PIK3C3: variants seen among roughly 807,000 people sequenced by gnomAD.
PIK3C3 encodes the protein phosphatidylinositol 3-kinase catalytic subunit type 3.
A neutral mutation model predicts 126.1 loss-of-function variants in PIK3C3; 95 were observed. The observed-to-expected ratio is 0.75, with a 90% confidence interval of 0.64 to 0.89. PIK3C3 has a LOEUF of 0.89. PIK3C3 is among the 40% of genes least tolerant of loss of function. The probability of loss-of-function intolerance (pLI) is 0.00; values close to 1 mark genes in which losing one functional copy is unlikely to be tolerated. For synonymous variants in PIK3C3, 374 were observed against 360.0 expected (o/e 1.04, Z -0.44); for missense variants, 829 against 1,063.2 (o/e 0.78, Z 3.06).
intron 15 of PIK3C3, among the ~76,000 whole-genome samples, chr18:42,033,467 AT>A (rs1861753223): frequency 6.6e-6 from 1 of 152,242 alleles, no homozygotes; most frequent in Admixed American, 6.5e-5. Context: ...TTTGAAGGAA[AT>A]TTCAGTTTCT....
intron 21 of PIK3C3, chr18:42,051,198 C>A (rs1307593600): frequency 6.6e-6 from 1 of 152,272 alleles, no homozygotes; most frequent in Non-Finnish European, 1.5e-5. Flanking sequence ...TCCATGAGAG[C>A]AGGAACCTTT....
intron 10 of PIK3C3, among the ~76,000 whole-genome samples, chr18:42,010,806 G>T (rs902275409): frequency 3.3e-5 from 5 of 152,016 alleles, no homozygotes; most frequent in Non-Finnish European, 7.4e-5. Flanking sequence ...AATTTATTTT[G>T]CCCAGATCCA....
At chr18:42,070,248 G>A (rs182411050) in intron 24 of PIK3C3, among the ~76,000 whole-genome samples, 40 of 152,300 alleles carry the variant, frequency 2.6e-4, no homozygotes, top group African/African-American at 9.1e-4. Flanking sequence ...AGAAAAAATA[G>A]ATTCTGCCTC....
At chr18:42,071,132 A>G (rs1463841282) in intron 24 of PIK3C3, among the ~76,000 whole-genome samples, 1 of 152,222 alleles carries the variant, frequency 6.6e-6, no homozygotes, top group Non-Finnish European at 1.5e-5. Flanking sequence ...ACATGAAAAT[A>G]AGAGTTAAGA....
intron 23 of PIK3C3, among the ~76,000 whole-genome samples, chr18:42,065,315 T>G (rs1985490635): frequency 6.6e-6 from 1 of 152,156 alleles, no homozygotes; most frequent in Admixed American, 6.5e-5. Context: ...AGAAAAGGAC[T>G]TTAAAGCAGC....
chr18:42,049,613 T>C lies in PIK3C3; in HGVS notation c.2263+8T>C. 6.3e-7 allele frequency: 1 copy of C among 1,589,110 alleles called. No homozygotes were observed. On this transcript the variant is annotated splice_region_variant and intron_variant, in intron 21 of 24. Transcript: ENST00000262039. ...TTTTGCTAACAAAAACAGGTAACAA[T>C]TAATGACTACCAGTAGACATACATT... is the stretch of plus-strand genomic sequence containing the variant.
At chr18:41,991,192 A>C (rs937127960) in intron 6 of PIK3C3, among the ~76,000 whole-genome samples, 4 of 152,134 alleles carry the variant, frequency 2.6e-5, no homozygotes, top group Non-Finnish European at 5.9e-5. Flanking sequence ...TCATTTAAGT[A>C]CTACAGAAAT....
At chr18:41,983,714 G>A (rs1327160207) in intron 4 of PIK3C3, among the ~76,000 whole-genome samples, 1 of 152,080 alleles carries the variant, frequency 6.6e-6, no homozygotes, top group East Asian at 1.9e-4. Context: ...CTTACACAGT[G>A]CAGCAAGTTG....
At chr18:41,987,751 T>TAA in intron 4 of PIK3C3, 61 bp from the exon 5 acceptor site, 1 of 1,058,108 alleles carries the variant, frequency 9.5e-7, no homozygotes, top group Non-Finnish European at 1.5e-6. Flanking sequence ...ATTCTGACAT[T>TAA]TTTGGTCCTT....
At chr18:42,019,734 A>T (rs1222155100) in intron 12 of PIK3C3, among the ~76,000 whole-genome samples, 1 of 152,096 alleles carries the variant, frequency 6.6e-6, no homozygotes, top group Admixed American at 6.6e-5. Context: ...TTTCAGATTC[A>T]TCTATTCAAA....
At chr18:42,038,402 C>T (rs1302063590) in intron 17 of PIK3C3, among the ~76,000 whole-genome samples, 2 of 151,712 alleles carry the variant, frequency 1.3e-5, no homozygotes, top group Non-Finnish European at 2.9e-5. Flanking sequence ...AATGAAGTGG[C>T]GCGATCTTGG....
chr18:42,073,526 G>T (rs1402925085), intron 24 of PIK3C3, among the ~76,000 whole-genome samples: 15 of 152,100 alleles, frequency 9.9e-5, no homozygotes, highest in Admixed American at 9.8e-4. Flanking sequence ...ATCTTACTAC[G>T]CTGAAGGTGA....
At chr18:41,970,535 C>T (rs771521584) in intron 4 of PIK3C3, 79 bp downstream of exon 4, 2 of 1,250,372 alleles carry the variant, frequency 1.6e-6, no homozygotes, top group Non-Finnish European at 2.3e-6. Flanking sequence ...ATTATGAACT[C>T]TGTCAGATTT....
intron 15 of PIK3C3, among the ~76,000 whole-genome samples, chr18:42,033,194 A>T (rs1156796061): frequency 6.6e-6 from 1 of 152,170 alleles, no homozygotes; most frequent in Non-Finnish European, 1.5e-5. Context: ...AATAGTATAG[A>T]TGTTGCTTAT....
chr18:42,013,113 CTTTTTT>C (rs67564071), intron 10 of PIK3C3, among the ~76,000 whole-genome samples: 22 of 136,822 alleles, frequency 1.6e-4, no homozygotes, highest in African/African-American at 5.7e-4. Context: ...ATCCTTCCCA[CTTTTTT>C]TTTTTTTTTT....
Position 41,987,755 on chromosome 18 carries a change from G to A in PIK3C3, c.532-57G>A. ...TGTACATTGCCATTCTGACATTTTT[G>A]GTCCTTCTTTCTACTAGATGTATAT... On this transcript the variant is annotated intron_variant, in intron 4 of 24. Transcript: ENST00000262039. The A allele has an allele frequency of 2.8e-6, 3 of 1,082,310 alleles. No homozygotes were observed. The South Asian group carries it at 4.0e-5, about 14-fold the overall frequency. 67.0% of individuals were successfully genotyped at this position (1,082,310 alleles called of 1,614,324 possible).
chr18:42,053,659 A>G (rs1233629386), intron 21 of PIK3C3, among the ~76,000 whole-genome samples: 1 of 152,142 alleles, frequency 6.6e-6, no homozygotes, highest in African/African-American at 2.4e-5. Context: ...TAGGGCGATC[A>G]GTTGTGACAG....
intron 21 of PIK3C3, among the ~76,000 whole-genome samples, chr18:42,052,502 T>C (rs1054780655): frequency 6.6e-6 from 1 of 152,184 alleles, no homozygotes; most frequent in Non-Finnish European, 1.5e-5. Flanking sequence ...ACTGGATACA[T>C]GTTTTCAAGT....
At chr18:42,079,444 A>G (rs1227935756) in intron 24 of PIK3C3, among the ~76,000 whole-genome samples, 1 of 152,250 alleles carries the variant, frequency 6.6e-6, no homozygotes, top group Admixed American at 6.5e-5. Flanking sequence ...AGCAGGTGGA[A>G]TAGTAATGAA....
Sources: gnomAD v4.1 joint callset for allele counts (sites outside exome capture counted in the v4.1 genomes callset) on GRCh38, gnomAD v4.1.1 for gene constraint, MANE v1.5 for transcripts, NCBI Gene and HGNC (gene_info 2026-07-23, HGNC 2026-07-21) for gene names.